TSEN2: variants seen among roughly 807,000 people sequenced by gnomAD.
TSEN2 encodes tRNA-splicing endonuclease subunit Sen2.
Under a neutral mutation model 59.2 loss-of-function variants are expected in TSEN2, and 54 were observed. The observed-to-expected ratio is 0.91, with a 90% CI of 0.73 to 1.14. The LOEUF (loss-of-function observed/expected upper bound fraction) is 1.14. Ranked by LOEUF, TSEN2 falls within the 50% of genes most tolerant of loss-of-function variation. TSEN2 has a pLI of 0.00. For missense variants in TSEN2, 636 were observed against 576.2 expected, an observed-to-expected ratio of 1.10 and a Z score of -1.06; for synonymous variants, 195 against 198.2, an observed-to-expected ratio of 0.98 and a Z score of 0.14.
chr3:12,500,978 G>A (rs962810352), intron 4 of TSEN2, among the ~76,000 whole-genome samples: 4 of 152,136 alleles, frequency 2.6e-5, no homozygotes, highest in African/African-American at 9.7e-5. Context: ...CACGGAATTT[G>A]GCAAAAGTTT....
At chr3:12,538,399 C>T (rs1171261680), downstream of TSEN2, among the ~76,000 whole-genome samples, 2 of 152,170 alleles carry the variant, frequency 1.3e-5, no homozygotes, top group East Asian at 3.9e-4. Context: ...GAGCAGTTGT[C>T]TTATTTAGGT....
intron 8 of TSEN2, among the ~76,000 whole-genome samples, chr3:12,519,734 G>T (rs1488565644): frequency 1.3e-5 from 2 of 151,856 alleles, no homozygotes; most frequent in Admixed American, 6.6e-5. Flanking sequence ...GACAGGGCAA[G>T]ACTCCGTCTC....
intron 8 of TSEN2, among the ~76,000 whole-genome samples, chr3:12,522,757 A>G (rs769557223): frequency 1.2e-4 from 19 of 152,188 alleles, no homozygotes; most frequent in Admixed American, 5.2e-4. Context: ...TTGTCAATCA[A>G]ATTTCATTCC....
In TSEN2 at chr3:12,516,661, G is replaced by C. The variant is rs144487848; in HGVS notation, c.960G>C (p.Lys320Asn). ...ALGCLSIYYE[K>N]EPLTIVKLWK... ...GATGTTTAAGTATTTACTATGAGAA[G>C]GTAAGATGCTTTGTTTACATACAAC... The change falls in exon 7 of 12, where the codon AAG (lysine) becomes AAC (asparagine). Residue 320 changes from lysine to asparagine, a missense_variant and splice_region_variant. Physicochemically the swap from Lys to Asn is moderately conservative, Grantham distance 94. Coordinates refer to ENST00000284995, the MANE Select transcript of TSEN2 (RefSeq NM_025265.4). 2.5e-6 allele frequency: 4 copies of C among 1,613,690 alleles called. No individual in the cohort carries two copies. The highest frequency in any genetic ancestry group is 3.4e-6 in the Non-Finnish European group (4 of 1,179,862).
chr3:12,525,158 A>G (rs1216810891), intron 8 of TSEN2, among the ~76,000 whole-genome samples: 1 of 152,078 alleles, frequency 6.6e-6, no homozygotes, highest in Admixed American at 6.6e-5. Context: ...GTTCCTGATG[A>G]TCAGACTCAA....
chr3:12,510,603 G>A (rs917800088), intron 6 of TSEN2, among the ~76,000 whole-genome samples: 2 of 152,136 alleles, frequency 1.3e-5, no homozygotes, highest in Admixed American at 6.6e-5. Flanking sequence ...TTTACGCATC[G>A]TCTTGTGCCC....
At chr3:12,530,724 T>C in intron 10 of TSEN2, 2 of 985,430 alleles carry the variant, frequency 2.0e-6, no homozygotes, top group Non-Finnish European at 2.4e-6. Context: ...GTTTCTAGAA[T>C]TTTTATGCCC....
chr3:12,527,741 C>T (rs536095550), intron 8 of TSEN2, among the ~76,000 whole-genome samples: 2 of 152,294 alleles, frequency 1.3e-5, no homozygotes, highest in South Asian at 4.1e-4. Flanking sequence ...CAATCAACTC[C>T]AAAAGATGCT....
At chr3:12,535,044 T>G (rs972955798), downstream of TSEN2, among the ~76,000 whole-genome samples, 31 of 152,290 alleles carry the variant, frequency 2.0e-4, no homozygotes, top group African/African-American at 7.2e-4. Context: ...TAAAAAAATT[T>G]GTCTTAATCA....
chr3:12,489,167 G>T (rs1000915382), intron 1 of TSEN2, among the ~76,000 whole-genome samples: 8 of 150,236 alleles, frequency 5.3e-5, no homozygotes, highest in Non-Finnish European at 1.2e-4. Flanking sequence ...TGATAGTCTG[G>T]CTTTAGAGTC....
rs577818131 is a variant in TSEN2, at chr3:12,532,784, C to A, written c.*63C>A. 6.6e-6 allele frequency: 10 copies of A among 1,520,760 alleles called. No homozygotes were observed. The highest frequency in any genetic ancestry group is 3.6e-4 in the Middle Eastern group (2 of 5,492). The allele number at this position is 1,520,760 out of a possible 1,614,324, so 94.2% of individuals were successfully genotyped here. ...TTTATTGAGGGCTAGGTAAAAAGTT[C>A]TTTTTGTTGTAATCGTCCATTAATT... On this transcript the variant is annotated 3_prime_UTR_variant, in exon 12 of 12. Coordinates refer to ENST00000284995, the MANE Select transcript of TSEN2 (RefSeq NM_025265.4).
chr3:12,529,591 A>C (rs1273257863), intron 9 of TSEN2, among the ~76,000 whole-genome samples, 171 bp from the exon 10 acceptor site: 1 of 152,218 alleles, frequency 6.6e-6, no homozygotes, highest in Non-Finnish European at 1.5e-5. Flanking sequence ...AAAGTTTGTA[A>C]CTTAAAGTAT....
intron 7 of TSEN2, among the ~76,000 whole-genome samples, chr3:12,517,737 A>G (rs2056280135): frequency 6.6e-6 from 1 of 152,134 alleles, no homozygotes; most frequent in Non-Finnish European, 1.5e-5. Flanking sequence ...AATGGTGGCA[A>G]TTCTTAGCCC....
Position 12,532,796 on chromosome 3 carries a change from A to G in TSEN2, c.*75A>G, listed in dbSNP as rs950380858. 7.1e-6 allele frequency: 10 copies of G among 1,411,184 alleles called. No individual in the cohort carries two copies. The highest frequency in any genetic ancestry group is 2.3e-5 in the East Asian group (1 of 43,916). 87.4% of individuals were successfully genotyped at this position (1,411,184 alleles called of 1,614,324 possible). A position where few individuals can be genotyped will look rare whatever the true frequency, so the allele number is the denominator to read the frequency against. On this transcript the variant is annotated 3_prime_UTR_variant, in exon 12 of 12. Transcript: ENST00000284995. Reference sequence around the variant, plus strand: ...TAGGTAAAAAGTTCTTTTTGTTGTAATCGTCCATTAATTCATAAGTTTTAA... The same window carrying G: ...TAGGTAAAAAGTTCTTTTTGTTGTAGTCGTCCATTAATTCATAAGTTTTAA...
chr3:12,516,283 G>A (rs974210037), intron 6 of TSEN2, among the ~76,000 whole-genome samples: 4 of 152,036 alleles, frequency 2.6e-5, no homozygotes. Flanking sequence ...AAAATTAGCC[G>A]GGCGTGGCGG....
At chr3:12,484,069 C>T (rs188820845), upstream of TSEN2, among the ~76,000 whole-genome samples, 62 of 152,326 alleles carry the variant, frequency 4.1e-4, 1 homozygote, top group African/African-American at 8.4e-4. Context: ...TACACAGGTG[C>T]GCTGCTGTGA....
intron 5 of TSEN2, 109 bp from the exon 6 acceptor site, chr3:12,505,045 G>A: frequency 1.3e-6 from 1 of 751,014 alleles, no homozygotes; most frequent in East Asian, 2.7e-5. Flanking sequence ...TAACACAATA[G>A]AATGTGAATC....
At chr3:12,512,024 C>G (rs2055525035) in intron 6 of TSEN2, among the ~76,000 whole-genome samples, 1 of 152,220 alleles carries the variant, frequency 6.6e-6, no homozygotes, top group African/African-American at 2.4e-5. Flanking sequence ...CTATAACACA[C>G]AATAGACAGT....
At chr3:12,518,939 G>C in intron 7 of TSEN2, 120 bp from the exon 8 acceptor site, 1 of 979,138 alleles carries the variant, frequency 1.0e-6, no homozygotes, top group Non-Finnish European at 1.6e-6. Flanking sequence ...GCTCTGCTGG[G>C]GGAACTGCAT....
Sources: allele counts gnomAD v4.1 joint callset (sites outside exome capture counted in the v4.1 genomes callset), GRCh38; gene constraint gnomAD v4.1.1; transcripts MANE v1.5; gene names NCBI Gene and HGNC (gene_info 2026-07-23, HGNC 2026-07-21).